SIPA1L2: variants seen among roughly 807,000 people sequenced by gnomAD.
The protein encoded by SIPA1L2 is signal induced proliferation associated 1 like 2.
In SIPA1L2, 56 loss-of-function variants were observed where a neutral mutation model predicts 163.9. The ratio of observed to expected loss-of-function variants is 0.34; its 90% CI spans 0.28 to 0.43. SIPA1L2 has a LOEUF of 0.43. Ranked by LOEUF, SIPA1L2 falls within the 20% of genes least tolerant of loss-of-function variation. The pLI, the probability that SIPA1L2 is intolerant of heterozygous loss-of-function variation, is 1.00. For missense variants in SIPA1L2, 1,974 were observed against 2,193.5 expected (o/e 0.90, Z 2.00); for synonymous variants, 877 against 865.7 (o/e 1.01, Z -0.23).
At position 232,415,538 on chromosome 1, in the gene SIPA1L2, C is replaced by T; in HGVS notation, c.4718G>A (p.Gly1573Glu). 6.2e-7 allele frequency: 1 copy of T among 1,613,806 alleles called. No individual in the cohort carries two copies. The highest frequency in any genetic ancestry group is 8.5e-7 in the Non-Finnish European group (1 of 1,179,860). Reference sequence around the variant, plus strand: ...ATCCACGAGGTGGGTCCAATCTAACCCTGTGGCTGTGTCCGGGAGGGGCAT... The same window carrying T: ...ATCCACGAGGTGGGTCCAATCTAACTCTGTGGCTGTGTCCGGGAGGGGCAT... The part of the protein sequence containing the change: ...GLMPLPDTAT[G>E]LDWTHLVDAA... The change falls in exon 19 of 23, where the codon GGG (glycine) becomes GAG (glutamate). Residue 1573 changes from glycine to glutamate, a missense_variant. Physicochemically the swap from Gly to Glu is moderately conservative, Grantham distance 98. This residue lies in a region of SIPA1L2 where 1,079 missense variants were observed against 1,150.7 expected (regional missense o/e 0.94). Transcript: ENST00000674635.
chr1:232,471,600 C>G, intron 7 of SIPA1L2, 72 bp from the exon 8 acceptor site: 1 of 1,265,682 alleles, frequency 7.9e-7, no homozygotes, highest in East Asian at 2.8e-5. Context: ...ATTCACTCAT[C>G]TTTCAATTTG....
At chr1:232,527,720 TTCTTC>T (rs1407690008) in intron 2 of SIPA1L2, among the ~76,000 whole-genome samples, 1 of 107,412 alleles carries the variant, frequency 9.3e-6, no homozygotes, top group Non-Finnish European at 1.9e-5. Context: ...ATTCTTCTTC[TTCTTC>T]TTTTTTTTTT....
chr1:232,506,093 G>C (rs1012449935), intron 3 of SIPA1L2, among the ~76,000 whole-genome samples: 2 of 152,118 alleles, frequency 1.3e-5, no homozygotes. Context: ...TGGGGTGATG[G>C]ACTTCACCAG....
intron 18 of SIPA1L2, among the ~76,000 whole-genome samples, chr1:232,422,368 G>C (rs1300326103): frequency 6.6e-6 from 1 of 152,166 alleles, no homozygotes; most frequent in African/African-American, 2.4e-5. Context: ...TTAGTCTCAA[G>C]AGAAGAAAGA....
intron 2 of SIPA1L2, among the ~76,000 whole-genome samples, chr1:232,552,133 C>A (rs913699571): frequency 6.6e-6 from 1 of 152,276 alleles, no homozygotes; most frequent in East Asian, 1.9e-4. Flanking sequence ...AGCCACCACA[C>A]CCGGCTGAGA....
At chr1:232,453,853 C>G (rs1017579054) in intron 10 of SIPA1L2, among the ~76,000 whole-genome samples, 5 of 151,806 alleles carry the variant, frequency 3.3e-5, no homozygotes, top group Non-Finnish European at 5.9e-5. Flanking sequence ...AAAGCCGATC[C>G]TCTAAAACAA....
chr1:232,443,250 C>T (rs928878168), intron 12 of SIPA1L2, among the ~76,000 whole-genome samples: 5 of 152,204 alleles, frequency 3.3e-5, no homozygotes, highest in Admixed American at 3.3e-4. Context: ...ACTTCTCAGA[C>T]AGGAAGCAAA....
intron 6 of SIPA1L2, among the ~76,000 whole-genome samples, chr1:232,480,392 A>T (rs1665286127): frequency 6.6e-6 from 1 of 152,214 alleles, no homozygotes; most frequent in Non-Finnish European, 1.5e-5. Flanking sequence ...AATGAATGTG[A>T]TCACTTACAG....
chr1:232,590,802 G>C lies in SIPA1L2; in HGVS notation c.-318-16580C>G, dbSNP rs544340398. Among the ~76,000 whole-genome samples, 138 of 152,364 alleles carry C rather than the reference G, an allele frequency of 9.1e-4. 2 individuals are homozygous for C. The Middle Eastern group carries it at 0.024, about 26-fold the overall frequency. ...AGACCAAAGTCAGTCATATCGAACA[G>C]TGAATTCTTTACCATGCATTAGACA... On this transcript the variant is annotated intron_variant, in intron 1 of 22. Coordinates refer to ENST00000674635, the MANE Select transcript of SIPA1L2 (RefSeq NM_020808.5).
intron 10 of SIPA1L2, among the ~76,000 whole-genome samples, chr1:232,449,311 G>A (rs1663409699): frequency 6.6e-6 from 1 of 151,976 alleles, no homozygotes; most frequent in Admixed American, 6.6e-5. Flanking sequence ...GAGGTCAGGA[G>A]ATTGAGACCA....
At chr1:232,527,536 G>A (rs1667764312) in intron 2 of SIPA1L2, among the ~76,000 whole-genome samples, 1 of 151,964 alleles carries the variant, frequency 6.6e-6, no homozygotes, top group African/African-American at 2.4e-5. Context: ...ATATGAAAAG[G>A]AAACTTAAAC....
chr1:232,608,190 C>A (rs940139952), intron 1 of SIPA1L2, among the ~76,000 whole-genome samples: 1 of 152,052 alleles, frequency 6.6e-6, no homozygotes, highest in Admixed American at 6.5e-5. Flanking sequence ...GAAATACAGG[C>A]ATACATCACC....
intron 1 of SIPA1L2, among the ~76,000 whole-genome samples, chr1:232,595,598 G>A (rs1248681989): frequency 6.6e-6 from 1 of 152,032 alleles, no homozygotes; most frequent in African/African-American, 2.4e-5. Context: ...CTCTGCTCTG[G>A]GTCTGCAAAA....
Position 232,465,541 on chromosome 1 carries a change from T to TACACACACACAC in SIPA1L2, c.2244-126_2244-125insGTGTGTGTGTGT, listed in dbSNP as rs201851656. On this transcript the variant is annotated intron_variant, in intron 8 of 22. Transcript: ENST00000674635. The surrounding 1 kb of genome is among the most constrained non-coding windows in gnomAD (Gnocchi z 4.1). ...ATACACACACACACACACATATACA[T>TACACACACACAC]ACACACATACACACACACTTTCAAC... The TACACACACACAC allele has an allele frequency of 7.7e-4, 573 of 746,942 alleles. 2 individuals carry two copies. In the African/African-American group the frequency reaches 9.2e-3, roughly 12 times the overall value. 46.3% of individuals were successfully genotyped at this position (746,942 alleles called of 1,614,324 possible).
At chr1:232,513,668 T>C (rs1667080782) in intron 3 of SIPA1L2, among the ~76,000 whole-genome samples, 189 bp downstream of exon 3, 1 of 152,170 alleles carries the variant, frequency 6.6e-6, no homozygotes, top group African/African-American at 2.4e-5. Context: ...AGGCATGGAA[T>C]TGCAGTTTTC....
At chr1:232,577,542 T>G (rs551965351) in intron 1 of SIPA1L2, among the ~76,000 whole-genome samples, 2 of 152,188 alleles carry the variant, frequency 1.3e-5, no homozygotes, top group Non-Finnish European at 2.9e-5. Flanking sequence ...CTGGGCAAAG[T>G]AAACCGAAAC....
intron 3 of SIPA1L2, among the ~76,000 whole-genome samples, chr1:232,496,392 T>C (rs186259598): frequency 3.6e-4 from 55 of 152,250 alleles, no homozygotes; most frequent in South Asian, 4.1e-4. Flanking sequence ...AATGATGAAA[T>C]TGCCTAAGGA....
At chr1:232,466,716 C>T (rs573888285) in intron 8 of SIPA1L2, among the ~76,000 whole-genome samples, 3 of 152,118 alleles carry the variant, frequency 2.0e-5, no homozygotes, top group South Asian at 4.1e-4. Flanking sequence ...GTGTGAACCT[C>T]GGAGGCGGAG....
At chr1:232,585,887 T>G (rs1660629835) in intron 1 of SIPA1L2, among the ~76,000 whole-genome samples, 1 of 152,126 alleles carries the variant, frequency 6.6e-6, no homozygotes, top group South Asian at 2.1e-4. Flanking sequence ...CTGAACTGAA[T>G]TAAATAGTTC....
Sources: gnomAD v4.1 joint callset for allele counts (sites outside exome capture counted in the v4.1 genomes callset) on GRCh38, gnomAD v4.1.1 for gene constraint, gnomAD v4.1.1 regional missense constraint, Gnocchi (gnomAD v3.1) non-coding constraint, MANE v1.5 for transcripts, NCBI Gene and HGNC (gene_info 2026-07-23, HGNC 2026-07-21) for gene names.